Variants in CTNNA3 observed in about 807,000 individuals in gnomAD.
The protein encoded by CTNNA3 is catenin alpha-3.
CTNNA3 carries 76 observed loss-of-function variants against 95.7 expected under a neutral mutation model. That is an observed-to-expected ratio of 0.79 (90% CI 0.66 to 0.96). CTNNA3 has a LOEUF of 0.96. Among genes scored for constraint, CTNNA3 ranks in the 40% least tolerant of loss-of-function variants. CTNNA3 has a pLI of 0.00. For missense variants in CTNNA3, 1,191 were observed against 1,089.8 expected, an observed-to-expected ratio of 1.09 and a Z score of -1.31; for synonymous variants, 431 against 374.4, an observed-to-expected ratio of 1.15 and a Z score of -1.74.
At chr10:67,245,746 T>G (rs1011372327) in intron 5 of CTNNA3, among the ~76,000 whole-genome samples, 19 of 151,240 alleles carry the variant, frequency 1.3e-4, no homozygotes, top group African/African-American at 4.6e-4. Context: ...TAGTCCCAGC[T>G]ACTCAAGAGG....
At chr10:67,590,235 C>G (rs1842752071) in intron 3 of CTNNA3, among the ~76,000 whole-genome samples, 3 of 152,120 alleles carry the variant, frequency 2.0e-5, no homozygotes, top group Admixed American at 2.0e-4. Context: ...TAAGGCTTTA[C>G]TATCCTAGGG....
At chr10:67,087,267 A>T (rs1857358913) in intron 7 of CTNNA3, among the ~76,000 whole-genome samples, 1 of 152,062 alleles carries the variant, frequency 6.6e-6, no homozygotes, top group Non-Finnish European at 1.5e-5. Flanking sequence ...TCCAGGGAAG[A>T]GTCCATTAGT....
chr10:67,189,299 T>A (rs1201736854), intron 6 of CTNNA3, among the ~76,000 whole-genome samples: 1 of 151,874 alleles, frequency 6.6e-6, no homozygotes, highest in African/African-American at 2.4e-5. Context: ...CAGAGTGGAG[T>A]GGTGGTTACC....
chr10:66,849,923 C>A (rs555755616), intron 7 of CTNNA3, among the ~76,000 whole-genome samples: 4 of 152,086 alleles, frequency 2.6e-5, no homozygotes, highest in Non-Finnish European at 4.4e-5. Context: ...TTACTTTCAA[C>A]ATTCTTACAT....
At chr10:66,544,544 C>T (rs980993141) in intron 10 of CTNNA3, among the ~76,000 whole-genome samples, 2 of 151,630 alleles carry the variant, frequency 1.3e-5, no homozygotes, top group East Asian at 3.9e-4. Flanking sequence ...TAAGAAATTT[C>T]TGTGTTTTTA....
chr10:67,274,528 G>C (rs927783108), intron 5 of CTNNA3, among the ~76,000 whole-genome samples: 2 of 152,104 alleles, frequency 1.3e-5, no homozygotes, highest in African/African-American at 4.8e-5. Flanking sequence ...TCTTTTGGTA[G>C]TTAAAAATTA....
At chr10:66,550,370 A>C (rs1387689448) in intron 10 of CTNNA3, among the ~76,000 whole-genome samples, 2 of 152,064 alleles carry the variant, frequency 1.3e-5, no homozygotes, top group Non-Finnish European at 2.9e-5. Flanking sequence ...ATTTTATTTT[A>C]TCCACTTTGG....
chr10:67,622,987 CA>C (rs1589501194), intron 2 of CTNNA3, among the ~76,000 whole-genome samples: 1 of 152,240 alleles, frequency 6.6e-6, no homozygotes, highest in East Asian at 1.9e-4. Flanking sequence ...AGGTTATAGT[CA>C]AAACTCCAAT....
At chr10:66,511,472 CTT>C (rs35110968) in intron 11 of CTNNA3, among the ~76,000 whole-genome samples, 20 of 148,056 alleles carry the variant, frequency 1.4e-4, no homozygotes, top group Admixed American at 4.7e-4. Flanking sequence ...TATTTGAAAT[CTT>C]TTTTTTTTTA....
chr10:66,862,109 G>A (rs1345107741), intron 7 of CTNNA3, among the ~76,000 whole-genome samples: 1 of 152,142 alleles, frequency 6.6e-6, no homozygotes, highest in Non-Finnish European at 1.5e-5. Context: ...AGCTGCTCGG[G>A]AGGCTGAGGC....
At chr10:65,930,569 C>T (rs555294083) in intron 17 of CTNNA3, among the ~76,000 whole-genome samples, 1 of 152,160 alleles carries the variant, frequency 6.6e-6, no homozygotes, top group South Asian at 2.1e-4. Flanking sequence ...CATGCATATC[C>T]CCTCATTTTT....
chr10:67,455,690 A>G (rs552219381), intron 5 of CTNNA3, among the ~76,000 whole-genome samples: 6 of 152,292 alleles, frequency 3.9e-5, no homozygotes, highest in African/African-American at 1.4e-4. Context: ...GAAAATGTTC[A>G]GACAAATCCC....
At chr10:66,543,837 T>C (rs1276639287) in intron 10 of CTNNA3, among the ~76,000 whole-genome samples, 2 of 149,506 alleles carry the variant, frequency 1.3e-5, no homozygotes, top group Non-Finnish European at 3.0e-5. Context: ...TATGGTGAAA[T>C]AGGTGAATGT....
At chr10:67,441,381 G>A (rs1250024318) in intron 5 of CTNNA3, among the ~76,000 whole-genome samples, 5 of 152,008 alleles carry the variant, frequency 3.3e-5, no homozygotes, top group African/African-American at 1.2e-4. Context: ...AAGAGATAGT[G>A]ATAGAAAGTT....
At chr10:67,224,659 T>G (rs2132278490) in intron 5 of CTNNA3, among the ~76,000 whole-genome samples, 1 of 152,066 alleles carries the variant, frequency 6.6e-6, no homozygotes, top group South Asian at 2.1e-4. Flanking sequence ...GCTGAGTCAA[T>G]TTAAAGAGCC....
intron 17 of CTNNA3, among the ~76,000 whole-genome samples, chr10:65,921,213 G>T (rs906847290): frequency 6.6e-6 from 1 of 152,100 alleles, no homozygotes; most frequent in African/African-American, 2.4e-5. Flanking sequence ...ACTACAAAAA[G>T]GTGGAGTTTA....
intron 9 of CTNNA3, among the ~76,000 whole-genome samples, chr10:66,690,944 G>A (rs1442809580): frequency 1.3e-5 from 2 of 152,168 alleles, no homozygotes; most frequent in African/African-American, 2.4e-5. Context: ...CACCAACAGC[G>A]TAAAAGTGTT....
At chr10:66,685,333 A>ATATATATATATTTTTTTTTTTTT (rs1847244669) in intron 9 of CTNNA3, among the ~76,000 whole-genome samples, 1 of 53,928 alleles carries the variant, frequency 1.9e-5, no homozygotes, top group African/African-American at 9.8e-5. Flanking sequence ...GTGTATATAT[A>ATATATATATATTTTTTTTTTTTT]TATATATATA....
chr10:66,412,156 T>G (rs1373548276), intron 11 of CTNNA3, among the ~76,000 whole-genome samples: 1 of 152,100 alleles, frequency 6.6e-6, no homozygotes. Context: ...GCATTCGATA[T>G]TCCAGCAAGA....
Sources: gnomAD v4.1 joint callset for allele counts (sites outside exome capture counted in the v4.1 genomes callset) on GRCh38, gnomAD v4.1.1 for gene constraint, MANE v1.5 for transcripts, NCBI Gene and HGNC (gene_info 2026-07-23, HGNC 2026-07-21) for gene names.